The following TEK variants were observed in gnomAD, a reference collection of about 807,000 sequenced individuals.
TEK encodes the protein TEK receptor tyrosine kinase.
Under a neutral mutation model 131.8 loss-of-function variants are expected in TEK, and 43 were observed. The ratio of observed to expected loss-of-function variants is 0.33; its 90% CI spans 0.26 to 0.42. The LOEUF is 0.42. Among genes scored for constraint, TEK ranks in the 10% least tolerant of loss-of-function variants. The pLI, the probability that TEK is intolerant of heterozygous loss-of-function variation, is 1.00. For synonymous variants in TEK, 580 were observed against 491.6 expected (o/e 1.18, Z -2.38); for missense variants, 1,162 against 1,384.4 (o/e 0.84, Z 2.55).
chr9:27,119,886 C>T (rs1233480457), intron 1 of TEK, among the ~76,000 whole-genome samples: 1 of 86,608 alleles, frequency 1.2e-5, no homozygotes, highest in Non-Finnish European at 2.6e-5. Context: ...TCTGTGTGCA[C>T]ATGCGTGTGT....
At chr9:27,134,741 A>G (rs1447799331) in intron 1 of TEK, among the ~76,000 whole-genome samples, 2 of 152,144 alleles carry the variant, frequency 1.3e-5, no homozygotes, top group Non-Finnish European at 2.9e-5. Flanking sequence ...ATAAACTAAA[A>G]CTTGTTTTCA....
chr9:27,131,664 A>T (rs2131062757), intron 1 of TEK, among the ~76,000 whole-genome samples: 1 of 151,106 alleles, frequency 6.6e-6, no homozygotes, highest in East Asian at 1.9e-4. Context: ...AAAAAAAATT[A>T]GCCAGGTGTG....
chr9:27,115,280 C>A (rs1467747643), intron 1 of TEK, among the ~76,000 whole-genome samples: 1 of 152,130 alleles, frequency 6.6e-6, no homozygotes, highest in African/African-American at 2.4e-5. Flanking sequence ...AGACAAATCG[C>A]TTGAGCCCAG....
intron 16 of TEK, among the ~76,000 whole-genome samples, chr9:27,211,465 GATA>G (rs1825629714): frequency 1.1e-5 from 1 of 93,664 alleles, no homozygotes; most frequent in African/African-American, 4.2e-5. Context: ...GAGATAGATA[GATA>G]GATAGATAGG....
intron 4 of TEK, among the ~76,000 whole-genome samples, chr9:27,172,344 C>A (rs576417161): frequency 6.6e-6 from 1 of 152,334 alleles, no homozygotes; most frequent in South Asian, 2.1e-4. Flanking sequence ...CCTGCAGATT[C>A]AGCTTGCATA....
intron 1 of TEK, among the ~76,000 whole-genome samples, chr9:27,123,143 A>C (rs982464630): frequency 6.6e-6 from 1 of 150,578 alleles, no homozygotes; most frequent in African/African-American, 2.4e-5. Flanking sequence ...GTTGCGAAGC[A>C]TTTTTAGTGA....
intron 18 of TEK, among the ~76,000 whole-genome samples, chr9:27,214,731 A>G (rs1351172975): frequency 6.6e-6 from 1 of 152,060 alleles, no homozygotes; most frequent in Admixed American, 6.5e-5. Flanking sequence ...ATCATTTTGG[A>G]TCTTTCCACT....
At chr9:27,110,693 CA>C (rs1251124329) in intron 1 of TEK, among the ~76,000 whole-genome samples, 4 of 151,870 alleles carry the variant, frequency 2.6e-5, no homozygotes, top group Non-Finnish European at 5.9e-5. Flanking sequence ...ATTAAATATT[CA>C]AAAAACAAAT....
At chr9:27,165,729 C>A (rs1297620394) in intron 2 of TEK, among the ~76,000 whole-genome samples, 1 of 152,144 alleles carries the variant, frequency 6.6e-6, no homozygotes, top group South Asian at 2.1e-4. Context: ...AGGGTGGATC[C>A]AAGCCCAGGA....
chr9:27,190,160 A>G (rs1208560700), intron 9 of TEK, among the ~76,000 whole-genome samples: 2 of 152,126 alleles, frequency 1.3e-5, no homozygotes, highest in African/African-American at 2.4e-5. Flanking sequence ...GGATGAAGTG[A>G]AAGGTCAGTG....
Position 27,182,604 on chromosome 9 carries a change from G to A in TEK, c.1031-855G>A, listed in dbSNP as rs117620168. Among the ~76,000 whole-genome samples the A allele has an allele frequency of 7.2e-3, 1,095 of 152,200 alleles. 5 individuals are homozygous for A. Among genetic ancestry groups the A allele is most frequent in the Non-Finnish European group, 0.01 (685 of 68,008 alleles). ...TAAGAAACAGTCTGTAGTTACTGCT[G>A]CTCTGAGGGCACCTCTATCGCCTAC... On this transcript the variant is annotated intron_variant, in intron 7 of 22. Coordinates refer to ENST00000380036, the MANE Select transcript of TEK (RefSeq NM_000459.5).
At chr9:27,155,770 C>T (rs1229469977) in intron 1 of TEK, among the ~76,000 whole-genome samples, 8 of 150,620 alleles carry the variant, frequency 5.3e-5, no homozygotes, top group Admixed American at 5.3e-4. Context: ...TGCCCCAAAA[C>T]AGTTAAATAT....
intron 6 of TEK, among the ~76,000 whole-genome samples, chr9:27,174,528 T>C (rs1270528295): frequency 1.3e-5 from 2 of 152,234 alleles, no homozygotes; most frequent in African/African-American, 4.8e-5. Context: ...TACATTCCCT[T>C]TTTCATAGTA....
intron 1 of TEK, among the ~76,000 whole-genome samples, chr9:27,139,216 A>AAAAAAAAAAC (rs1450156453): frequency 6.7e-6 from 1 of 149,990 alleles, no homozygotes; most frequent in Non-Finnish European, 1.5e-5. Flanking sequence ...CTGTCTCAAA[A>AAAAAAAAAAC]AAAAAAAAAC....
At chr9:27,173,436 CACA>C (rs1355412360) in intron 6 of TEK, 74 bp downstream of exon 6, 11 of 1,594,172 alleles carry the variant, frequency 6.9e-6, no homozygotes, top group Non-Finnish European at 9.5e-6. Context: ...TGCTGTCAAT[CACA>C]ACATCGGATA....
chr9:27,212,888 C>G lies in TEK; in HGVS notation c.2868C>G (p.Ser956Arg). Reference sequence around the variant, plus strand: ...TGGCCCGGGGCATGGACTACTTGAGCCAAAAACAGGTTTGTCCGGAGGACT... The same window carrying G: ...TGGCCCGGGGCATGGACTACTTGAGGCAAAAACAGGTTTGTCCGGAGGACT... Reference protein sequence around the residue: ...ADVARGMDYLSQKQFIHRDLA... With the variant: ...ADVARGMDYLRQKQFIHRDLA... Residue 956 changes from serine (S) to arginine (R), a missense_variant, in exon 17 of 23, where the codon AGC becomes AGG. This residue lies in a region of TEK where 107 missense variants were observed against 173.9 expected (regional missense o/e 0.62). Coordinates refer to ENST00000380036, the MANE Select transcript of TEK (RefSeq NM_000459.5). The G allele has an allele frequency of 6.2e-7, 1 of 1,613,906 alleles. No individual in the cohort carries two copies. The highest frequency in any genetic ancestry group is 8.5e-7 in the Non-Finnish European group (1 of 1,179,974).
At position 27,203,079 on chromosome 9, in the gene TEK, A is replaced by C. The variant is rs1461986522; in HGVS notation, c.2169A>C (p.Pro723=). Residue 723 remains proline (P), a synonymous_variant, in exon 13 of 23, where the codon CCA becomes CCC. Coordinates refer to ENST00000380036, the MANE Select transcript of TEK (RefSeq NM_000459.5). ...FAENNIGSSN[P]AFSHELVTLP... ...AGAACAACATAGGGTCAAGCAACCC[A>C]GCCTTTTCTCATGAACTGGTGACCC... is the stretch of plus-strand genomic sequence containing the variant. The C allele has an allele frequency of 4.2e-5, 68 of 1,614,030 alleles. No individual in the cohort carries two copies. The highest frequency in any genetic ancestry group is 5.6e-5 in the Non-Finnish European group (66 of 1,180,002).
At chr9:27,118,828 A>G (rs1414425422) in intron 1 of TEK, among the ~76,000 whole-genome samples, 1 of 151,898 alleles carries the variant, frequency 6.6e-6, no homozygotes, top group Non-Finnish European at 1.5e-5. Context: ...GGCCAGTTAG[A>G]CTCTTTCCCT....
At chr9:27,137,976 G>C (rs1046948515) in intron 1 of TEK, among the ~76,000 whole-genome samples, 6 of 152,038 alleles carry the variant, frequency 3.9e-5, no homozygotes, top group African/African-American at 1.4e-4. Flanking sequence ...CCTTCCAGTG[G>C]GTTTGTGGTC....
Sources: allele counts gnomAD v4.1 joint callset (sites outside exome capture counted in the v4.1 genomes callset), GRCh38; gene constraint gnomAD v4.1.1; regional missense constraint gnomAD v4.1.1; transcripts MANE v1.5; gene names NCBI Gene and HGNC (gene_info 2026-07-23, HGNC 2026-07-21).